Variants in CUL3 observed in about 807,000 individuals in gnomAD.
The protein encoded by CUL3 is cullin-3.
In CUL3, 19 loss-of-function variants were observed where a neutral mutation model predicts 89.1. The observed-to-expected ratio is 0.21, with a 90% CI of 0.15 to 0.31. CUL3 has a LOEUF of 0.31. CUL3 is among the 10% of genes least tolerant of loss of function. The pLI, the probability that CUL3 is intolerant of heterozygous loss-of-function variation, is 1.00. For synonymous variants in CUL3, 351 were observed against 308.4 expected, an observed-to-expected ratio of 1.14 and a Z score of -1.45; for missense variants, 469 against 942.3, an observed-to-expected ratio of 0.50 and a Z score of 6.58.
intron 3 of CUL3, among the ~76,000 whole-genome samples, chr2:224,517,885 T>C (rs1460480272): frequency 1.3e-5 from 2 of 152,204 alleles, no homozygotes; most frequent in African/African-American, 2.4e-5. Context: ...TTATGAAGTC[T>C]TTCCAAAGCA....
Position 224,471,823 on chromosome 2 carries a change from T to C in CUL3, c.*2422A>G, listed in dbSNP as rs919897722. On this transcript the variant is annotated 3_prime_UTR_variant, in exon 16 of 16. Transcript: ENST00000264414. The stretch of plus-strand genomic sequence containing the variant: ...TACACTTTAACAGTTACTGAAGAGA[T>C]GACATGATTTTTGCAGTTGAAAAAC... 12 of 228,998 alleles carry C rather than the reference T, an allele frequency of 5.2e-5. No individual in the cohort carries two copies. The highest frequency in any genetic ancestry group is 1.1e-4 in the Admixed American group (2 of 17,648). The allele number at this position is 228,998 out of a possible 1,614,324, so 14.2% of individuals were successfully genotyped here.
chr2:224,537,116 T>G (rs1183659239), intron 2 of CUL3, among the ~76,000 whole-genome samples: 3 of 152,206 alleles, frequency 2.0e-5, no homozygotes, highest in African/African-American at 7.2e-5. Flanking sequence ...ATTTAATGTA[T>G]GTTGAGATAT....
rs191106475 is a variant in CUL3, at chr2:224,537,969, A to G, written c.265-2328T>C. On this transcript the variant is annotated intron_variant, in intron 2 of 15. Transcript: ENST00000264414. ...ATAAAAAAATATATCAAGTATTTAC[A>G]TATTTGTCATCATATTTATACCTGC... is the stretch of plus-strand genomic sequence containing the variant. Among the ~76,000 whole-genome samples the G allele has an allele frequency of 3.7e-3, 567 of 152,326 alleles. 3 individuals carry two copies. The highest frequency in any genetic ancestry group is 0.012 in the African/African-American group (502 of 41,584).
chr2:224,527,358 C>A (rs1314040477), intron 3 of CUL3, among the ~76,000 whole-genome samples: 2 of 152,184 alleles, frequency 1.3e-5, no homozygotes, highest in East Asian at 3.8e-4. Flanking sequence ...TGAGAAAACA[C>A]AGACCCACAG....
intron 3 of CUL3, among the ~76,000 whole-genome samples, chr2:224,534,896 G>A (rs1693826273): frequency 6.6e-6 from 1 of 151,688 alleles, no homozygotes; most frequent in South Asian, 2.1e-4. Context: ...AGCTCATCAG[G>A]AGGCTAAGGC....
intron 5 of CUL3, 113 bp downstream of exon 5, chr2:224,513,411 C>T (rs1411346380): frequency 1.0e-5 from 7 of 695,774 alleles, no homozygotes; most frequent in Non-Finnish European, 1.7e-5. Context: ...TTGCATACTC[C>T]CCTCCCTTAA....
At chr2:224,576,329 C>T (rs981077155) in intron 1 of CUL3, among the ~76,000 whole-genome samples, 2 of 146,604 alleles carry the variant, frequency 1.4e-5, no homozygotes, top group Admixed American at 6.6e-5. Context: ...AAGACTGGAC[C>T]GCAGACTAAG....
At chr2:224,475,296 C>A (rs1691274601) in intron 15 of CUL3, among the ~76,000 whole-genome samples, 1 of 152,192 alleles carries the variant, frequency 6.6e-6, no homozygotes, top group African/African-American at 2.4e-5. Flanking sequence ...GGATTACAGG[C>A]GTGAGCCACC....
At chr2:224,511,997 G>GCA (rs1268651669) in intron 5 of CUL3, among the ~76,000 whole-genome samples, 4 of 152,142 alleles carry the variant, frequency 2.6e-5, no homozygotes, top group Non-Finnish European at 5.9e-5. Context: ...CATACTGCTG[G>GCA]TTAATTAAGT....
At chr2:224,515,166 T>G (rs1373437257) in intron 3 of CUL3, among the ~76,000 whole-genome samples, 1 of 151,994 alleles carries the variant, frequency 6.6e-6, no homozygotes, top group African/African-American at 2.4e-5. Flanking sequence ...AAACTGAGAG[T>G]TGAATAAAGT....
chr2:224,499,139 G>A (rs997331163), intron 11 of CUL3, among the ~76,000 whole-genome samples: 2 of 152,132 alleles, frequency 1.3e-5, no homozygotes, highest in East Asian at 3.8e-4. Context: ...TAGGCAAGTC[G>A]AAATTATTTC....
intron 3 of CUL3, among the ~76,000 whole-genome samples, chr2:224,524,093 AC>A (rs1693375322): frequency 6.6e-6 from 1 of 152,198 alleles, no homozygotes; most frequent in African/African-American, 2.4e-5. Flanking sequence ...AATTAAAAAA[AC>A]AAACCAAAAA....
At chr2:224,514,588 C>T (rs773448484) in intron 4 of CUL3, 24 bp downstream of exon 4, 23 of 1,581,152 alleles carry the variant, frequency 1.5e-5, no homozygotes, top group Middle Eastern at 1.7e-4. Flanking sequence ...ACCAAAACCA[C>T]AAGAGTAAAG....
At chr2:224,499,951 A>C (rs1054404449) in intron 11 of CUL3, 2 of 153,324 alleles carry the variant, frequency 1.3e-5, no homozygotes, top group African/African-American at 4.8e-5. Context: ...CCTCTTCCTC[A>C]TCAAAACTGC....
intron 1 of CUL3, among the ~76,000 whole-genome samples, chr2:224,561,469 C>A (rs1161667810): frequency 6.6e-6 from 1 of 152,182 alleles, no homozygotes; most frequent in African/African-American, 2.4e-5. Flanking sequence ...ATTTTAGTCA[C>A]CCTGGCAGTA....
chr2:224,479,146 T>C (rs1260143680), intron 14 of CUL3: 2 of 152,198 alleles, frequency 1.3e-5, no homozygotes, highest in East Asian at 3.8e-4. Context: ...ATGTGAAGTT[T>C]CTGGAGGTAG....
intron 3 of CUL3, among the ~76,000 whole-genome samples, chr2:224,534,093 A>G (rs1693792242): frequency 6.6e-6 from 1 of 152,226 alleles, no homozygotes; most frequent in South Asian, 2.1e-4. Context: ...CAATACACAA[A>G]CATAAACACT....
rs76218355 is a variant in CUL3 at position 224,478,013 on chromosome 2, C to T, written c.2175+187G>A. Among the ~76,000 whole-genome samples, 724 of 152,212 alleles carry T rather than the reference C, an allele frequency of 4.8e-3. 6 individuals are homozygous for T. The highest frequency in any genetic ancestry group is 0.017 in the African/African-American group (698 of 41,512). On this transcript the variant is annotated intron_variant, in intron 15 of 15. Coordinates refer to ENST00000264414, the MANE Select transcript of CUL3 (RefSeq NM_003590.5). The stretch of plus-strand genomic sequence containing the variant: ...ATTTTAGTTATAAACACATTGGTTC[C>T]GAGAGTGTGCACATATTTGGATGTA...
At chr2:224,539,974 T>G (rs1025743825) in intron 2 of CUL3, among the ~76,000 whole-genome samples, 5 of 147,728 alleles carry the variant, frequency 3.4e-5, no homozygotes, top group African/African-American at 7.6e-5. Flanking sequence ...ACCACTCTGG[T>G]GTGGATGTGC....
Sources: gnomAD v4.1 joint callset for allele counts (sites outside exome capture counted in the v4.1 genomes callset) on GRCh38, gnomAD v4.1.1 for gene constraint, MANE v1.5 for transcripts, NCBI Gene and HGNC (gene_info 2026-07-23, HGNC 2026-07-21) for gene names.